The following CDKAL1 variants were observed in gnomAD, a reference collection of about 807,000 sequenced individuals.
CDKAL1 encodes the protein threonylcarbamoyladenosine tRNA methylthiotransferase.
A neutral mutation model predicts 68.2 loss-of-function variants in CDKAL1; 32 were observed. The ratio of observed to expected loss-of-function variants is 0.47; its 90% CI spans 0.35 to 0.63. The LOEUF is 0.63. Among genes scored for constraint, CDKAL1 ranks in the 30% least tolerant of loss-of-function variants. The pLI, the probability that CDKAL1 is intolerant of heterozygous loss-of-function variation, is 0.00. For synonymous variants in CDKAL1, 234 were observed against 244.3 expected (o/e 0.96, Z 0.39); for missense variants, 606 against 696.7 (o/e 0.87, Z 1.47).
At chr6:20,950,182 C>T (rs1561909490) in intron 9 of CDKAL1, among the ~76,000 whole-genome samples, 1 of 152,112 alleles carries the variant, frequency 6.6e-6, no homozygotes, top group Non-Finnish European at 1.5e-5. Context: ...TAGTGACTTC[C>T]CCTGGGAACT....
intron 5 of CDKAL1, among the ~76,000 whole-genome samples, chr6:20,690,155 G>A (rs1253093790): frequency 6.6e-6 from 1 of 151,858 alleles, no homozygotes. Context: ...ACATATTTTT[G>A]TATCCTACTT....
chr6:20,729,024 T>C (rs1047347604), intron 5 of CDKAL1, among the ~76,000 whole-genome samples: 4 of 152,152 alleles, frequency 2.6e-5, no homozygotes, highest in Non-Finnish European at 5.9e-5. Context: ...GTTAAAGTAA[T>C]GAACTCCCTA....
intron 13 of CDKAL1, among the ~76,000 whole-genome samples, chr6:21,186,924 G>A (rs2446482): frequency 0.98 from 149,227 of 152,334 alleles, 73,103 homozygotes; most frequent in East Asian, 1. Flanking sequence ...TTTGATAGCC[G>A]CATTAACAGA....
At chr6:20,929,124 C>T (rs1763312835) in intron 9 of CDKAL1, among the ~76,000 whole-genome samples, 1 of 152,138 alleles carries the variant, frequency 6.6e-6, no homozygotes. Context: ...TAGCATAAAT[C>T]CTGACAGTTC....
intron 4 of CDKAL1, among the ~76,000 whole-genome samples, chr6:20,561,446 G>GAAAAAA (rs55750789): frequency 7.9e-4 from 63 of 79,642 alleles, no homozygotes; most frequent in Non-Finnish European, 8.6e-4. Flanking sequence ...TCTCAAAAAA[G>GAAAAAA]AAAAAAAAAA....
At chr6:20,741,355 T>C (rs1173717686) in intron 6 of CDKAL1, among the ~76,000 whole-genome samples, 1 of 152,122 alleles carries the variant, frequency 6.6e-6, no homozygotes, top group African/African-American at 2.4e-5. Flanking sequence ...GAGGGGTACA[T>C]GTGCAGGTTT....
Position 21,000,261 on chromosome 6 carries a change from A to T in CDKAL1, c.944A>T (p.Tyr315Phe). Residue 315 changes from tyrosine (Y) to phenylalanine (F), a missense_variant, in exon 11 of 16, where the codon TAC becomes TTC. Coordinates refer to ENST00000274695, the MANE Select transcript of CDKAL1 (RefSeq NM_017774.3). ...MAKILNHPRV[Y>F]AFLHIPVQSA... is the part of the protein sequence containing the mutation. ...AAAATCCTTAATCACCCCAGAGTCT[A>T]CGCTTTTCTGCACATACCAGTCCAG... 6.2e-7 allele frequency: 1 copy of T among 1,613,952 alleles called. No individual in the cohort carries two copies. The highest frequency in any genetic ancestry group is 8.5e-7 in the Non-Finnish European group (1 of 1,179,884).
intron 13 of CDKAL1, among the ~76,000 whole-genome samples, chr6:21,172,662 G>C (rs1260594154): frequency 1.3e-5 from 2 of 152,164 alleles, no homozygotes; most frequent in African/African-American, 2.4e-5. Flanking sequence ...AAGGCTGAGG[G>C]GGGAGGATCG....
chr6:21,029,033 T>C (rs986663197), intron 11 of CDKAL1, among the ~76,000 whole-genome samples: 2 of 152,084 alleles, frequency 1.3e-5, no homozygotes, highest in Admixed American at 1.3e-4. Flanking sequence ...CTAGATGTCA[T>C]TAACCTCTCT....
At chr6:20,997,713 G>A (rs1305315951) in intron 10 of CDKAL1, among the ~76,000 whole-genome samples, 1 of 151,988 alleles carries the variant, frequency 6.6e-6, no homozygotes, top group Non-Finnish European at 1.5e-5. Flanking sequence ...TCTGGCCCGG[G>A]GTCATGTTTG....
chr6:20,853,394 A>AAC lies in CDKAL1; in HGVS notation c.742+7217_742+7218insCA, dbSNP rs1184393707. ...GATTTCGTCTCAAAAAACAAAACAA[A>AAC]AAAAAAACAAAAAAAAAAACCCTAT... On this transcript the variant is annotated intron_variant, in intron 9 of 15. Transcript: ENST00000274695. Among the ~76,000 whole-genome samples the AAC allele has an allele frequency of 2.5e-4, 8 of 32,360 alleles. No individual in the cohort carries two copies. The Admixed American group carries it at 2.6e-3, about 11-fold the overall frequency. The allele number at this position is 32,360 out of a possible 152,430, so 21.2% of individuals were successfully genotyped here.
At chr6:21,003,603 T>G (rs568016372) in intron 11 of CDKAL1, among the ~76,000 whole-genome samples, 2 of 151,518 alleles carry the variant, frequency 1.3e-5, no homozygotes, top group Non-Finnish European at 2.9e-5. Flanking sequence ...ATAAATGAAA[T>G]ATTTTAAATA....
intron 10 of CDKAL1, among the ~76,000 whole-genome samples, chr6:20,976,568 A>G (rs1312325474): frequency 1.3e-5 from 2 of 152,154 alleles, no homozygotes; most frequent in Non-Finnish European, 2.9e-5. Context: ...TAAGTGCACA[A>G]TGAGCCTTTA....
intron 11 of CDKAL1, among the ~76,000 whole-genome samples, chr6:21,056,625 G>C (rs987505163): frequency 6.6e-6 from 1 of 152,162 alleles, no homozygotes; most frequent in Non-Finnish European, 1.5e-5. Flanking sequence ...AATGCTTCCA[G>C]CTTTTCCCAT....
At chr6:21,173,012 C>CTTTTTTTTTTTTTTTTT (rs202066238) in intron 13 of CDKAL1, among the ~76,000 whole-genome samples, 1 of 138,796 alleles carries the variant, frequency 7.2e-6, no homozygotes, top group Non-Finnish European at 1.6e-5. Context: ...TGTCTTTTAT[C>CTTTTTTTTTTTTTTTTT]TTTTTTTTTT....
chr6:21,143,867 C>T (rs1298809501), intron 13 of CDKAL1, among the ~76,000 whole-genome samples: 1 of 152,110 alleles, frequency 6.6e-6, no homozygotes, highest in Non-Finnish European at 1.5e-5. Flanking sequence ...GTTGAATACC[C>T]GGTGACAGCC....
At chr6:20,923,385 C>T (rs2150655931) in intron 9 of CDKAL1, among the ~76,000 whole-genome samples, 1 of 152,302 alleles carries the variant, frequency 6.6e-6, no homozygotes, top group Middle Eastern at 3.4e-3. Flanking sequence ...AACTTTGTGT[C>T]TCTGTGCCAC....
intron 12 of CDKAL1, among the ~76,000 whole-genome samples, chr6:21,077,941 G>A (rs1036613362): frequency 2.0e-5 from 3 of 152,180 alleles, no homozygotes; most frequent in African/African-American, 4.8e-5. Context: ...CCAGTTAGAG[G>A]AGATGTGAGG....
chr6:21,079,110 C>T (rs1292512941), intron 12 of CDKAL1, among the ~76,000 whole-genome samples: 1 of 152,026 alleles, frequency 6.6e-6, no homozygotes, highest in Non-Finnish European at 1.5e-5. Flanking sequence ...AAACAGGGAA[C>T]ATTAATGAGA....
Sources: allele counts gnomAD v4.1 joint callset (sites outside exome capture counted in the v4.1 genomes callset), GRCh38; gene constraint gnomAD v4.1.1; transcripts MANE v1.5; gene names NCBI Gene and HGNC (gene_info 2026-07-23, HGNC 2026-07-21).